Variants in BCAS3 observed in about 807,000 individuals in gnomAD.
BCAS3 encodes the protein BCAS3 microtubule associated cell migration factor, also known as BCAS4/BCAS3 fusion.
In BCAS3, 53 loss-of-function variants were observed where a neutral mutation model predicts 116.1. The ratio of observed to expected loss-of-function variants is 0.46; its 90% CI spans 0.37 to 0.57. The LOEUF is 0.57. BCAS3 is among the 20% of genes least tolerant of loss of function. The pLI is 0.00. For missense variants in BCAS3, 917 were observed against 1,165.4 expected, an observed-to-expected ratio of 0.79 and a Z score of 3.10; for synonymous variants, 391 against 408.2, an observed-to-expected ratio of 0.96 and a Z score of 0.51.
chr17:61,045,843 CTCTCTCTA>C (rs2068010579), intron 19 of BCAS3, among the ~76,000 whole-genome samples: 1 of 5,358 alleles, frequency 1.9e-4, no homozygotes, highest in African/African-American at 6.6e-4. Flanking sequence ...CTCTCTCTCT[CTCTCTCTA>C]TATATATATA....
In BCAS3 at chr17:61,200,776, C is replaced by T; in HGVS notation, c.2425+116212C>T. Among the ~76,000 whole-genome samples, 1 of 152,058 alleles carries T rather than the reference C, an allele frequency of 6.6e-6. No homozygotes were observed. Among genetic ancestry groups the T allele is most frequent in the East Asian group, 1.9e-4 (1 of 5,188 alleles). ...ATCAGGTACAGTTAACCTGTTTGAGCCTAATAATCAAGTATTGTACTGAAA... is the reference window on the plus strand; with the variant it reads ...ATCAGGTACAGTTAACCTGTTTGAGTCTAATAATCAAGTATTGTACTGAAA... On this transcript the variant is annotated intron_variant, in intron 22 of 23. Transcript: ENST00000407086. This position sits in a 1 kb window ranked among gnomAD's most constrained non-coding sequence, Gnocchi z 5.1.
intron 7 of BCAS3, among the ~76,000 whole-genome samples, chr17:60,867,302 C>T (rs1599287141): frequency 6.6e-6 from 1 of 151,844 alleles, no homozygotes; most frequent in African/African-American, 2.4e-5. Flanking sequence ...GATGGGGTGT[C>T]GCTGTGTTGG....
chr17:61,015,684 C>T (rs920227595), intron 15 of BCAS3, 67 bp from the exon 16 acceptor site: 22 of 1,511,724 alleles, frequency 1.5e-5, no homozygotes, highest in Admixed American at 3.4e-5. Flanking sequence ...AAAACCCTAT[C>T]GGAGATAGAG....
At chr17:61,254,777 G>GAGAAAAAAAAA (rs1555796050) in intron 22 of BCAS3, among the ~76,000 whole-genome samples, 2 of 73,528 alleles carry the variant, frequency 2.7e-5, no homozygotes, top group African/African-American at 1.3e-4. Context: ...CTCCGTCTCA[G>GAGAAAAAAAAA]AAAAAAAAAA....
chr17:60,890,088 A>T (rs2057032130), intron 10 of BCAS3, among the ~76,000 whole-genome samples: 1 of 152,206 alleles, frequency 6.6e-6, no homozygotes, highest in African/African-American at 2.4e-5. Context: ...GTAGTTTTTG[A>T]CTTTTTAGAA....
At chr17:60,861,859 G>A (rs907787170) in intron 7 of BCAS3, among the ~76,000 whole-genome samples, 1 of 152,130 alleles carries the variant, frequency 6.6e-6, no homozygotes, top group Non-Finnish European at 1.5e-5. Context: ...TGGTGGATTA[G>A]CTTTTCTGTG....
chr17:61,009,239 C>A (rs1240543011), intron 15 of BCAS3, among the ~76,000 whole-genome samples: 2 of 151,992 alleles, frequency 1.3e-5, no homozygotes, highest in Non-Finnish European at 2.9e-5. Flanking sequence ...GCTCTTTTTG[C>A]AAATGAAGCT....
Position 61,307,730 on chromosome 17 carries a change from A to G in BCAS3, c.2426-60597A>G, listed in dbSNP as rs2144764862. 6.6e-6 allele frequency among the ~76,000 whole-genome samples: 1 copy of G among 152,372 alleles called. No homozygotes were observed. The highest frequency in any genetic ancestry group is 2.1e-4 in the South Asian group (1 of 4,830). On this transcript the variant is annotated intron_variant, in intron 22 of 23. Transcript: ENST00000407086. This position sits in a 1 kb window ranked among gnomAD's most constrained non-coding sequence, Gnocchi z 4.7. ...TGTTCTAGAAAGGGTTACATTCCTG[A>G]GTAGGGTCTTAATGGCCAGTTCAAG...
intron 14 of BCAS3, among the ~76,000 whole-genome samples, chr17:60,973,947 G>C (rs1168614531): frequency 6.6e-6 from 1 of 152,104 alleles, no homozygotes; most frequent in Non-Finnish European, 1.5e-5. Flanking sequence ...AGGGAATGCT[G>C]TTGCTGGTCA....
intron 12 of BCAS3, among the ~76,000 whole-genome samples, chr17:60,911,123 C>T (rs28759111): frequency 0.06 from 5,343 of 88,346 alleles, 425 homozygotes; most frequent in African/African-American, 0.21. Flanking sequence ...TTTTTTCTTT[C>T]TTTTTTTTTT....
At chr17:60,703,476 C>T (rs1011355450) in intron 4 of BCAS3, among the ~76,000 whole-genome samples, 8 of 151,600 alleles carry the variant, frequency 5.3e-5, no homozygotes, top group South Asian at 2.1e-4. Context: ...GGCAGGAGAT[C>T]GCTTGAGCTT....
chr17:61,161,815 G>A lies in BCAS3; in HGVS notation c.2425+77251G>A, dbSNP rs764741581. 3.3e-5 allele frequency among the ~76,000 whole-genome samples: 5 copies of A among 152,160 alleles called. No individual in the cohort carries two copies. In the South Asian group the frequency reaches 6.2e-4, roughly 19 times the overall value. On this transcript the variant is annotated intron_variant, in intron 22 of 23. Coordinates refer to ENST00000407086, the MANE Select transcript of BCAS3 (RefSeq NM_017679.5). This position sits in a 1 kb window ranked among gnomAD's most constrained non-coding sequence, Gnocchi z 4.8. The stretch of plus-strand genomic sequence containing the variant: ...ATTCTCCTCAGCTTATATTTAACTC[G>A]TCGCTTGTTCTGGAAAAGTAGTAGT...
At chr17:60,935,169 G>A (rs536632342) in intron 13 of BCAS3, among the ~76,000 whole-genome samples, 14 of 152,066 alleles carry the variant, frequency 9.2e-5, no homozygotes, top group Admixed American at 6.6e-4. Flanking sequence ...TAACATAGAC[G>A]AAATGAAAAA....
chr17:60,936,411 C>T (rs1429543705), intron 13 of BCAS3, among the ~76,000 whole-genome samples: 1 of 152,062 alleles, frequency 6.6e-6, no homozygotes, highest in Non-Finnish European at 1.5e-5. Flanking sequence ...ATTTCTAGTT[C>T]TAGATCCCTG....
At chr17:61,335,729 G>GA (rs1212808174) in intron 22 of BCAS3, among the ~76,000 whole-genome samples, 2 of 152,084 alleles carry the variant, frequency 1.3e-5, no homozygotes, top group African/African-American at 4.8e-5. Context: ...GAAAAAATCA[G>GA]AAAAAAAGAA....
At chr17:60,802,295 A>AAAAAAAAATATAT (rs1299403402) in intron 6 of BCAS3, among the ~76,000 whole-genome samples, 4 of 127,946 alleles carry the variant, frequency 3.1e-5, no homozygotes, top group African/African-American at 1.5e-4. Flanking sequence ...AAAAAAAAAA[A>AAAAAAAAATATAT]ATATATATAT....
At chr17:61,015,692 G>A (rs906467257) in intron 15 of BCAS3, 59 bp from the exon 16 acceptor site, 1 of 1,553,752 alleles carries the variant, frequency 6.4e-7, no homozygotes, top group African/African-American at 1.4e-5. Flanking sequence ...ATCGGAGATA[G>A]AGAACGGGAG....
chr17:61,392,249 G>A lies in BCAS3; in HGVS notation c.*124G>A. 1 of 1,203,432 alleles carries A rather than the reference G, an allele frequency of 8.3e-7. No individual in the cohort carries two copies. The allele number at this position is 1,203,432 out of a possible 1,614,324, so 74.5% of individuals were successfully genotyped here. On this transcript the variant is annotated 3_prime_UTR_variant, in exon 24 of 24. Transcript: ENST00000407086. The surrounding 1 kb of genome is among the most constrained non-coding windows in gnomAD (Gnocchi z 6.4). ...ATCAACCACCTTCCCCAAGCTTAGT[G>A]ACAGCAGCCGCCCATCCTACCTGGA...
At chr17:60,683,677 C>A (rs899205906) in intron 2 of BCAS3, among the ~76,000 whole-genome samples, 1 of 151,052 alleles carries the variant, frequency 6.6e-6, no homozygotes, top group Non-Finnish European at 1.5e-5. Context: ...ACAAAAAATA[C>A]AAAAATTAGC....
Sources: allele counts gnomAD v4.1 joint callset (sites outside exome capture counted in the v4.1 genomes callset), GRCh38; gene constraint gnomAD v4.1.1; non-coding constraint Gnocchi (gnomAD v3.1); transcripts MANE v1.5; gene names NCBI Gene and HGNC (gene_info 2026-07-23, HGNC 2026-07-21).